The following PLXNB2 variants were observed in gnomAD, a reference collection of about 807,000 sequenced individuals.
PLXNB2 encodes the protein plexin-B2.
PLXNB2 carries 85 observed loss-of-function variants against 202.6 expected under a neutral mutation model. The observed-to-expected ratio is 0.42, with a 90% confidence interval of 0.35 to 0.50. The LOEUF (loss-of-function observed/expected upper bound fraction) is 0.50, where lower values mean the gene tolerates loss of function less well. Among genes scored for constraint, PLXNB2 ranks in the 20% least tolerant of loss-of-function variants. PLXNB2 has a pLI of 0.02. For missense variants in PLXNB2, 2,063 were observed against 2,586.2 expected (o/e 0.80, Z 4.39); for synonymous variants, 1,239 against 1,137.6 (o/e 1.09, Z -1.79).
intron 18 of PLXNB2, 156 bp from the exon 19 acceptor site, chr22:50,282,469 G>A (rs1267978891): frequency 2.5e-6 from 2 of 811,818 alleles, no homozygotes. Flanking sequence ...GGGACGTGCT[G>A]AGCACGAGAC....
In PLXNB2 at chr22:50,289,742, G is replaced by C. The variant is rs369882286; in HGVS notation, c.843C>G (p.Ala281=). The change falls in exon 3 of 37, where the codon GCC becomes GCG. Residue 281 remains alanine, a synonymous_variant. Transcript: ENST00000359337. The surrounding 1 kb of genome is among the most constrained non-coding windows in gnomAD (Gnocchi z 8.0). ...CAGAGCCAGGCGCAGCCACGGAGGC[G>C]GCCAGGCAGGTGCCAAAGGCAGCGG... ...IHAAAFGTCL[A]ASVAAPGSGR... is the part of the protein sequence containing the mutation. 1 of 1,612,400 alleles carries C rather than the reference G, an allele frequency of 6.2e-7. No homozygotes were observed. The highest frequency in any genetic ancestry group is 8.5e-7 in the Non-Finnish European group (1 of 1,179,978).
chr22:50,275,709 G>A lies in PLXNB2; in HGVS notation c.5512C>T (p.Leu1838Phe). The change falls in exon 37 of 37, where the codon CTC (leucine) becomes TTC (phenylalanine). Residue 1838 changes from leucine to phenylalanine, a missense_variant. By Grantham distance (22) the Leu-to-Phe change is conservative (BLOSUM62 0). Transcript: ENST00000359337. Reference sequence around the variant, plus strand: ...GCAGCACTGGAGATTGTAGGTCAGAGGTCAGTGACCTTGTTCTCCAGTGCA... The same window carrying A: ...GCAGCACTGGAGATTGTAGGTCAGAAGTCAGTGACCTTGTTCTCCAGTGCA... ...AAALENKVTD[L>F] The A allele has an allele frequency of 6.3e-6, 10 of 1,596,908 alleles. No individual in the cohort carries two copies. Among genetic ancestry groups the A allele is most frequent in the Non-Finnish European group, 8.6e-6 (10 of 1,168,742 alleles).
intron 1 of PLXNB2, among the ~76,000 whole-genome samples, chr22:50,300,790 C>T (rs2067638846): frequency 2.6e-5 from 4 of 152,154 alleles, no homozygotes; most frequent in Admixed American, 2.6e-4. Context: ...GTGATGGGGT[C>T]ACCAGCCCAG....
chr22:50,307,417 A>G (rs1412071958), intron 1 of PLXNB2, 136 bp downstream of exon 1: 2 of 323,142 alleles, frequency 6.2e-6, no homozygotes, highest in African/African-American at 4.5e-5. Context: ...AGGCCCCGGG[A>G]GCCCTCCGCG....
Position 50,280,988 on chromosome 22 carries a change from G to A in PLXNB2, c.3764-15C>T, listed in dbSNP as rs1451967993. ...GATCATCAGGTCTGGGGGGAGGCTG[G>A]CGTGAGACGTCCCTGGCCACGTGGG... is the stretch of plus-strand genomic sequence containing the variant. On this transcript the variant is annotated splice_polypyrimidine_tract_variant and intron_variant, in intron 23 of 36. Transcript: ENST00000359337. 1.2e-6 allele frequency: 2 copies of A among 1,610,172 alleles called. No individual in the cohort carries two copies. The highest frequency in any genetic ancestry group is 2.7e-5 in the African/African-American group (2 of 74,862).
Position 50,275,676 on chromosome 22 carries a change from G to A in PLXNB2, c.*28C>T, listed in dbSNP as rs2065496224. ...GCTCTCAGGTACCTCAGGTACCTAT[G>A]TCCCAAGGCAGCACTGGAGATTGTA... On this transcript the variant is annotated 3_prime_UTR_variant, in exon 37 of 37. Coordinates refer to ENST00000359337, the MANE Select transcript of PLXNB2 (RefSeq NM_012401.4). 6.8e-7 allele frequency: 1 copy of A among 1,480,876 alleles called. No homozygotes were observed. The highest frequency in any genetic ancestry group is 1.4e-5 in the African/African-American group (1 of 72,002). The allele number at this position is 1,480,876 out of a possible 1,614,324, so 91.7% of individuals were successfully genotyped here.
Position 50,290,609 on chromosome 22 carries a change from G to C in PLXNB2, c.-13-12C>G, listed in dbSNP as rs546184319. ...TTGCCCCCCGCACCCTGTGGGAAGAGAGAAGGGTCAGGGGAGCCCCGACCC... is the reference window on the plus strand; with the variant it reads ...TTGCCCCCCGCACCCTGTGGGAAGACAGAAGGGTCAGGGGAGCCCCGACCC... On this transcript the variant is annotated splice_polypyrimidine_tract_variant and intron_variant, in intron 2 of 36. Coordinates refer to ENST00000359337, the MANE Select transcript of PLXNB2 (RefSeq NM_012401.4). The C allele has an allele frequency of 6.4e-7, 1 of 1,571,622 alleles. No homozygotes were observed. The highest frequency in any genetic ancestry group is 1.3e-5 in the African/African-American group (1 of 74,242).
intron 1 of PLXNB2, among the ~76,000 whole-genome samples, chr22:50,298,699 G>A (rs1284472108): frequency 6.6e-6 from 1 of 152,224 alleles, no homozygotes; most frequent in East Asian, 1.9e-4. Flanking sequence ...AGGCTGGAGT[G>A]TAGGGGCATG....
chr22:50,279,093 G>T, intron 27 of PLXNB2, 82 bp from the exon 28 acceptor site: 1 of 1,437,158 alleles, frequency 7.0e-7, no homozygotes. Context: ...TGCCCCGCCA[G>T]CTTTGCCCAC....
chr22:50,298,266 G>C (rs2067418526), intron 1 of PLXNB2, among the ~76,000 whole-genome samples: 3 of 152,234 alleles, frequency 2.0e-5, no homozygotes, highest in Non-Finnish European at 4.4e-5. Flanking sequence ...GCCAAGGGCA[G>C]CACAGGGATG....
At chr22:50,281,780 A>G (rs1355376428) in intron 20 of PLXNB2, 38 bp from the exon 21 acceptor site, 2 of 1,567,844 alleles carry the variant, frequency 1.3e-6, no homozygotes, top group Admixed American at 3.5e-5. Context: ...GGAGGAGGGA[A>G]CCAGGGACAG....
At chr22:50,299,302 G>A (rs561182193) in intron 1 of PLXNB2, among the ~76,000 whole-genome samples, 1 of 140,276 alleles carries the variant, frequency 7.1e-6, no homozygotes, top group East Asian at 2.5e-4. Flanking sequence ...GCGTGGGGTG[G>A]GGGGGGGGCC....
At chr22:50,302,471 C>A (rs925919567) in intron 1 of PLXNB2, among the ~76,000 whole-genome samples, 2 of 152,184 alleles carry the variant, frequency 1.3e-5, no homozygotes, top group Admixed American at 6.5e-5. Context: ...GACTTCAAAC[C>A]CCACAGGGCC....
chr22:50,276,502 G>A lies in PLXNB2; in HGVS notation c.5337+127C>T, dbSNP rs566239745. ...CACTTCACATGGCCGAGCCCACCTC[G>A]AGGTCCCGCCCCACCCTCTCTCCCC... On this transcript the variant is annotated intron_variant, in intron 35 of 36. Transcript: ENST00000359337. 5.9e-4 allele frequency: 472 copies of A among 800,348 alleles called. 5 individuals are homozygous for A. The East Asian group carries it at 8.3e-3, about 14-fold the overall frequency. 49.6% of individuals were successfully genotyped at this position (800,348 alleles called of 1,614,324 possible).
Position 50,281,294 on chromosome 22 carries a change from G to T in PLXNB2, c.3662+66C>A. 1.9e-6 allele frequency: 3 copies of T among 1,590,256 alleles called. No individual in the cohort carries two copies. The Admixed American group carries it at 5.2e-5, about 28-fold the overall frequency. ...CTGCCTGTGCAGGGCGGCGGATGAGGCCAGAGGGGCCGAGGCGGGAGGGCC... is the reference window on the plus strand; with the variant it reads ...CTGCCTGTGCAGGGCGGCGGATGAGTCCAGAGGGGCCGAGGCGGGAGGGCC... On this transcript the variant is annotated intron_variant, in intron 22 of 36. Transcript: ENST00000359337.
chr22:50,289,235 T>C lies in PLXNB2; in HGVS notation c.1069-93A>G. On this transcript the variant is annotated intron_variant, in intron 3 of 36. Transcript: ENST00000359337. The surrounding 1 kb of genome is among the most constrained non-coding windows in gnomAD (Gnocchi z 8.0). ...CAAGACTCGGGACAGGCCCTTCCCT[T>C]CCCTCCGGCACACGTCCTACACACG... The C allele has an allele frequency of 8.5e-7, 1 of 1,183,122 alleles. No individual in the cohort carries two copies. Among genetic ancestry groups the C allele is most frequent in the Non-Finnish European group, 1.2e-6 (1 of 865,394 alleles). The allele number at this position is 1,183,122 out of a possible 1,614,324, so 73.3% of individuals were successfully genotyped here.
intron 2 of PLXNB2, among the ~76,000 whole-genome samples, chr22:50,292,447 G>A (rs2066942659): frequency 6.6e-6 from 1 of 152,020 alleles, no homozygotes; most frequent in African/African-American, 2.4e-5. Flanking sequence ...ACGACAGCCT[G>A]TGACCCATTT....
At chr22:50,279,942 A>G (rs1360798990) in intron 26 of PLXNB2, 63 bp downstream of exon 26, 1 of 1,443,530 alleles carries the variant, frequency 6.9e-7, no homozygotes, top group African/African-American at 1.4e-5. Context: ...AGGGGAACGC[A>G]GGAGGGGATG....
chr22:50,296,178 G>A (rs1460377703), intron 1 of PLXNB2, among the ~76,000 whole-genome samples: 2 of 142,828 alleles, frequency 1.4e-5, no homozygotes, highest in Non-Finnish European at 3.0e-5. Context: ...GCCAGAGTGA[G>A]ACTGTCTCAA....
Sources: allele counts gnomAD v4.1 joint callset (sites outside exome capture counted in the v4.1 genomes callset), GRCh38; gene constraint gnomAD v4.1.1; non-coding constraint Gnocchi (gnomAD v3.1); transcripts MANE v1.5; gene names NCBI Gene and HGNC (gene_info 2026-07-23, HGNC 2026-07-21).